CRMP1: variants seen among roughly 807,000 people sequenced by gnomAD.
CRMP1 encodes the protein collapsin response mediator protein 1.
In CRMP1, 19 loss-of-function variants were observed where a neutral mutation model predicts 68.3. The ratio of observed to expected loss-of-function variants is 0.28; its 90% CI spans 0.19 to 0.41. The LOEUF is 0.41. CRMP1 is among the 10% of genes least tolerant of loss of function. The pLI, the probability that CRMP1 is intolerant of heterozygous loss-of-function variation, is 1.00. For missense variants in CRMP1, 791 were observed against 967.4 expected (o/e 0.82, Z 2.42); for synonymous variants, 439 against 399.6 (o/e 1.10, Z -1.18).
At position 5,889,619 on chromosome 4, in the gene CRMP1, A is replaced by C. The variant is rs1157203804; in HGVS notation, c.381+2970T>G. 5.2e-6 allele frequency: 8 copies of C among 1,536,058 alleles called. No homozygotes were observed. The highest frequency in any genetic ancestry group is 1.4e-5 in the African/African-American group (1 of 73,058). On this transcript the variant is annotated intron_variant, in intron 1 of 13. Coordinates refer to ENST00000324989, the MANE Select transcript of CRMP1 (RefSeq NM_001014809.3). The surrounding 1 kb of genome is among the most constrained non-coding windows in gnomAD (Gnocchi z 4.5). ...CCCAAGTTCCCAGGCAGAATAAAAC[A>C]CCAACCTTGTCCACCACTTCGTTGT...
intron 1 of CRMP1, among the ~76,000 whole-genome samples, chr4:5,868,290 T>TATATATATATATATATATAG (rs1205965019): frequency 6.9e-5 from 9 of 131,370 alleles, no homozygotes; most frequent in African/African-American, 2.3e-4. Context: ...TATATATATA[T>TATATATATATATATATATAG]ATATATATAT....
Position 5,891,894 on chromosome 4 carries a change from C to T in CRMP1, c.381+695G>A, listed in dbSNP as rs1203849824. The stretch of plus-strand genomic sequence containing the variant: ...AGGCCAGAGACCCCAGTTCAAATCC[C>T]AGCTCTACCTCCACCTTGCTCTGTG... On this transcript the variant is annotated intron_variant, in intron 1 of 13. Transcript: ENST00000324989. This position sits in a 1 kb window ranked among gnomAD's most constrained non-coding sequence, Gnocchi z 5.2. 6.6e-6 allele frequency among the ~76,000 whole-genome samples: 1 copy of T among 152,340 alleles called. No homozygotes were observed. The highest frequency in any genetic ancestry group is 1.9e-4 in the East Asian group (1 of 5,184).
rs1715765973 is a variant in CRMP1, at chr4:5,888,486, G to C, written c.381+4103C>G. On this transcript the variant is annotated intron_variant, in intron 1 of 13. Transcript: ENST00000324989. This position sits in a 1 kb window ranked among gnomAD's most constrained non-coding sequence, Gnocchi z 6.4. ...TGCCAGCACCGCCCGGATCGGCGAG[G>C]AGGGCGGGAGAAGGAGGAGGGAGAG... The C allele has an allele frequency of 8.3e-7, 1 of 1,206,264 alleles. No homozygotes were observed. Among genetic ancestry groups the C allele is most frequent in the Non-Finnish European group, 1.0e-6 (1 of 971,824 alleles). The allele number at this position is 1,206,264 out of a possible 1,614,324, so 74.7% of individuals were successfully genotyped here. A position where few individuals can be genotyped will look rare whatever the true frequency, so the allele number is the denominator to read the frequency against.
intron 11 of CRMP1, among the ~76,000 whole-genome samples, chr4:5,835,235 T>C (rs756974602): frequency 4.6e-5 from 7 of 152,230 alleles, no homozygotes; most frequent in Non-Finnish European, 8.8e-5. Context: ...CTGTGGCCTC[T>C]TGGGTCTGTG....
intron 11 of CRMP1, among the ~76,000 whole-genome samples, chr4:5,833,340 G>C (rs1293220229): frequency 7.6e-6 from 1 of 130,920 alleles, no homozygotes; most frequent in African/African-American, 3.1e-5. Flanking sequence ...CTAATTTTTT[G>C]TATTTTTAGT....
intron 1 of CRMP1, among the ~76,000 whole-genome samples, chr4:5,868,269 A>C (rs768310659): frequency 0.053 from 909 of 17,136 alleles, 8 homozygotes; most frequent in Middle Eastern, 0.12. Flanking sequence ...ATCTATATAT[A>C]TATATATATA....
chr4:5,873,515 G>C (rs759352248), intron 1 of CRMP1, among the ~76,000 whole-genome samples: 3 of 152,072 alleles, frequency 2.0e-5, no homozygotes, highest in African/African-American at 4.8e-5. Flanking sequence ...AGGCAAAGTG[G>C]GGGGTGGGGG....
rs375300857 is a variant in CRMP1, at chr4:5,830,167, C to T, written c.1624-1499G>A. Among the ~76,000 whole-genome samples the T allele has an allele frequency of 4.0e-3, 616 of 152,248 alleles. 4 individuals carry two copies. Among genetic ancestry groups the T allele is most frequent in the African/African-American group, 0.014 (582 of 41,556 alleles). On this transcript the variant is annotated intron_variant, in intron 11 of 13. Coordinates refer to ENST00000324989, the MANE Select transcript of CRMP1 (RefSeq NM_001014809.3). ...TTTCTTACGGTGTCACTGTGTTTTG[C>T]ACATTATTCTATTTCTCAGGGTCTT...
rs1176190147 is a variant in CRMP1 at position 5,855,210 on chromosome 4, GGTA to G, written c.820+930_820+932del. 3.9e-5 allele frequency among the ~76,000 whole-genome samples: 6 copies of G among 152,238 alleles called. No homozygotes were observed. The highest frequency in any genetic ancestry group is 1.4e-4 in the African/African-American group (6 of 41,546). On this transcript the variant is annotated intron_variant, in intron 4 of 13. Coordinates refer to ENST00000324989, the MANE Select transcript of CRMP1 (RefSeq NM_001014809.3). The surrounding 1 kb of genome is among the most constrained non-coding windows in gnomAD (Gnocchi z 4.9). ...ACATTTAGAGTAAATTGTGATTGGGGGTAGAACCAGAGGAAAACAATTTTTTTC... is the reference window on the plus strand; with the variant it reads ...ACATTTAGAGTAAATTGTGATTGGGGGAACCAGAGGAAAACAATTTTTTTC...
Position 5,888,304 on chromosome 4 carries a change from C to A in CRMP1, c.381+4285G>T, listed in dbSNP as rs775481202. On this transcript the variant is annotated intron_variant, in intron 1 of 13. Transcript: ENST00000324989. This position sits in a 1 kb window ranked among gnomAD's most constrained non-coding sequence, Gnocchi z 6.4. ...CGCCCTCGGCCCGGCCGCTGACCTG[C>A]GGGGCTGTCTGACTGGAACCGGCGC... is the stretch of plus-strand genomic sequence containing the variant. 11 of 1,253,462 alleles carry A rather than the reference C, an allele frequency of 8.8e-6. No homozygotes were observed. Among genetic ancestry groups the A allele is most frequent in the Non-Finnish European group, 1.1e-5 (11 of 993,370 alleles). The allele number at this position is 1,253,462 out of a possible 1,614,324, so 77.6% of individuals were successfully genotyped here. A position where few individuals can be genotyped will look rare whatever the true frequency, so the allele number is the denominator to read the frequency against.
rs577216385 is a variant in CRMP1 at position 5,834,645 on chromosome 4, C to T, written c.1623+1270G>A. Among the ~76,000 whole-genome samples the T allele has an allele frequency of 3.1e-4, 47 of 152,312 alleles. No individual in the cohort carries two copies. The South Asian group carries it at 3.7e-3, about 12-fold the overall frequency. On this transcript the variant is annotated intron_variant, in intron 11 of 13. Coordinates refer to ENST00000324989, the MANE Select transcript of CRMP1 (RefSeq NM_001014809.3). This position sits in a 1 kb window ranked among gnomAD's most constrained non-coding sequence, Gnocchi z 4.3. ...CTCACTGGCAAGACCCTCTCAGACG[C>T]TCTCCCATTGCCTCTCCTATGTGCA...
intron 11 of CRMP1, among the ~76,000 whole-genome samples, chr4:5,831,222 C>T (rs184896804): frequency 2.4e-4 from 36 of 152,306 alleles, no homozygotes; most frequent in Middle Eastern, 6.8e-3. Flanking sequence ...GCTGGGTTTA[C>T]AGGCATGAAC....
Position 5,825,100 on chromosome 4 carries a change from G to T in CRMP1, c.1969+394C>A. On this transcript the variant is annotated intron_variant, in intron 13 of 13. Coordinates refer to ENST00000324989, the MANE Select transcript of CRMP1 (RefSeq NM_001014809.3). This position sits in a 1 kb window ranked among gnomAD's most constrained non-coding sequence, Gnocchi z 4.4. ...TTAGTACACTGCAGTGGGTGAACAG[G>T]CTAAAGACTTACACAGAGCACATGC... is the stretch of plus-strand genomic sequence containing the variant. 1 of 985,394 alleles carries T rather than the reference G, an allele frequency of 1.0e-6. No individual in the cohort carries two copies. Among genetic ancestry groups the T allele is most frequent in the Non-Finnish European group, 1.2e-6 (1 of 829,934 alleles). The allele number at this position is 985,394 out of a possible 1,614,324, so 61.0% of individuals were successfully genotyped here. A position where few individuals can be genotyped will look rare whatever the true frequency, so the allele number is the denominator to read the frequency against.
intron 1 of CRMP1, among the ~76,000 whole-genome samples, chr4:5,867,438 C>T (rs1478981804): frequency 6.6e-6 from 1 of 152,154 alleles, no homozygotes; most frequent in Non-Finnish European, 1.5e-5. Flanking sequence ...TAATGATCAA[C>T]TTAGAGACAT....
intron 1 of CRMP1, among the ~76,000 whole-genome samples, chr4:5,884,630 G>A (rs73065528): frequency 0.07 from 10,659 of 152,124 alleles, 729 homozygotes; most frequent in African/African-American, 0.18. Context: ...TACTCTTTGG[G>A]AAAGAGGGGT....
Position 5,879,137 on chromosome 4 carries a change from A to G in CRMP1, c.382-12381T>C, listed in dbSNP as rs1343284994. ...ATCTGTAGGACAAAGCTCACCTCCT[A>G]GGCTCTTCCCGGCCTGAGCCCGGCC... On this transcript the variant is annotated intron_variant, in intron 1 of 13. Transcript: ENST00000324989. The surrounding 1 kb of genome is among the most constrained non-coding windows in gnomAD (Gnocchi z 4.2). Among the ~76,000 whole-genome samples the G allele has an allele frequency of 6.6e-6, 1 of 151,592 alleles. No individual in the cohort carries two copies. The highest frequency in any genetic ancestry group is 1.5e-5 in the Non-Finnish European group (1 of 67,880).
At chr4:5,828,747 A>C (rs1194580047) in intron 11 of CRMP1, 79 bp from the exon 12 acceptor site, 2 of 1,498,038 alleles carry the variant, frequency 1.3e-6, no homozygotes, top group African/African-American at 2.8e-5. Flanking sequence ...ATTTTGCCTA[A>C]CATTATATCA....
intron 6 of CRMP1, 98 bp downstream of exon 6, chr4:5,849,294 T>A (rs1307953052): frequency 1.0e-6 from 1 of 963,554 alleles, no homozygotes; most frequent in Non-Finnish European, 1.6e-6. Flanking sequence ...TGACCTTTCA[T>A]TGTACAGCCT....
At chr4:5,847,711 C>G (rs918995702) in intron 6 of CRMP1, among the ~76,000 whole-genome samples, 1 of 152,214 alleles carries the variant, frequency 6.6e-6, no homozygotes, top group African/African-American at 2.4e-5. Flanking sequence ...TTCCACTGCG[C>G]TCTGGAACTA....
Sources: allele counts gnomAD v4.1 joint callset (sites outside exome capture counted in the v4.1 genomes callset), GRCh38; gene constraint gnomAD v4.1.1; non-coding constraint Gnocchi (gnomAD v3.1); transcripts MANE v1.5; gene names NCBI Gene and HGNC (gene_info 2026-07-23, HGNC 2026-07-21).